Variants in FARP1 observed in about 807,000 individuals in gnomAD.
FARP1 encodes the protein FERM, ARH/RhoGEF and pleckstrin domain protein 1, also known as FERM, ARHGEF and pleckstrin domain-containing protein 1.
Under a neutral mutation model 128.8 loss-of-function variants are expected in FARP1, and 52 were observed. The observed-to-expected ratio is 0.40, with a 90% CI of 0.32 to 0.51. FARP1 has a LOEUF of 0.51. Ranked by LOEUF, FARP1 falls within the 20% of genes least tolerant of loss-of-function variation. The probability of loss-of-function intolerance (pLI) is 0.45; values close to 1 mark genes in which losing one functional copy is unlikely to be tolerated. For synonymous variants in FARP1, 580 were observed against 551.8 expected (o/e 1.05, Z -0.72); for missense variants, 1,333 against 1,367.9 (o/e 0.97, Z 0.40).
Position 98,215,854 on chromosome 13 carries a change from G to A in FARP1, c.171+2441G>A, listed in dbSNP as rs553998787. ...TCTCTAGGCTGAAGTGCAGTGGTGCGATCTCAGCTCATTGCAAACTCCTCC... is the reference window on the plus strand; with the variant it reads ...TCTCTAGGCTGAAGTGCAGTGGTGCAATCTCAGCTCATTGCAAACTCCTCC... On this transcript the variant is annotated intron_variant, in intron 2 of 26. Transcript: ENST00000319562. 7.9e-5 allele frequency among the ~76,000 whole-genome samples: 12 copies of A among 151,484 alleles called. No individual in the cohort carries two copies. The South Asian group carries it at 2.1e-3, about 26-fold the overall frequency.
rs180724170 is a variant in FARP1, at chr13:98,428,540, A to G, written c.1906-2503A>G. ...TGGAGTCACTGTTCATACAACACAA[A>G]ACTGACAGCGCAAAGCCCTCCTGGT... is the stretch of plus-strand genomic sequence containing the variant. On this transcript the variant is annotated intron_variant, in intron 17 of 26. Coordinates refer to ENST00000319562, the MANE Select transcript of FARP1 (RefSeq NM_005766.4). Among the ~76,000 whole-genome samples, 33 of 152,274 alleles carry G rather than the reference A, an allele frequency of 2.2e-4. 1 individual carries two copies. The East Asian group carries it at 5.6e-3, about 26-fold the overall frequency.
At chr13:98,214,574 G>A (rs1880945893) in intron 2 of FARP1, among the ~76,000 whole-genome samples, 1 of 152,084 alleles carries the variant, frequency 6.6e-6, no homozygotes, top group African/African-American at 2.4e-5. Context: ...TCACTTATGG[G>A]ATATGAGTCA....
intron 1 of FARP1, among the ~76,000 whole-genome samples, chr13:98,150,023 C>A (rs1258531010): frequency 6.6e-6 from 1 of 151,600 alleles, no homozygotes; most frequent in Non-Finnish European, 1.5e-5. Context: ...AGTCTTGAGC[C>A]ACCGCGCCCG....
At chr13:98,346,684 G>GCCTCAGCT in intron 3 of FARP1, among the ~76,000 whole-genome samples, 1 of 152,234 alleles carries the variant, frequency 6.6e-6, no homozygotes, top group Admixed American at 6.5e-5. Context: ...GGCAGAGGTT[G>GCCTCAGCT]CAGTGAGCTG....
intron 1 of FARP1, among the ~76,000 whole-genome samples, chr13:98,149,369 T>G (rs1875807224): frequency 2.0e-5 from 3 of 151,542 alleles, no homozygotes; most frequent in African/African-American, 7.3e-5. Context: ...CTTTGGCCAT[T>G]CAAGTTGTTT....
At position 98,440,198 on chromosome 13, in the gene FARP1, C is replaced by A. The variant is rs766311227; in HGVS notation, c.2592C>A (p.Pro864=). Residue 864 remains proline (P), a synonymous_variant, in exon 23 of 27, where the codon CCC becomes CCA. Transcript: ENST00000319562. ...ACCTGGCGGAGAAGAGCAGCAGCCC[C>A]GCCCCTGAGTTCCTGGCCAGCAGCC... is the stretch of plus-strand genomic sequence containing the variant. The part of the protein sequence containing the change: ...AIDLAEKSSS[P]APEFLASSPP... The A allele has an allele frequency of 1.2e-6, 2 of 1,614,026 alleles. No individual in the cohort carries two copies. Among genetic ancestry groups the A allele is most frequent in the Admixed American group, 3.3e-5 (2 of 60,018 alleles).
intron 2 of FARP1, among the ~76,000 whole-genome samples, chr13:98,239,486 G>A (rs1202307640): frequency 1.3e-5 from 2 of 152,308 alleles, no homozygotes; most frequent in South Asian, 2.1e-4. Context: ...TGTTTCATAC[G>A]ATTTCTACAC....
At chr13:98,383,455 T>C (rs543302002) in intron 6 of FARP1, among the ~76,000 whole-genome samples, 22 of 152,320 alleles carry the variant, frequency 1.4e-4, no homozygotes, top group Admixed American at 2.6e-4. Context: ...CATGGCTTTG[T>C]GCAGAACAGA....
chr13:98,301,027 G>A (rs142095942), intron 2 of FARP1, among the ~76,000 whole-genome samples: 2 of 152,260 alleles, frequency 1.3e-5, no homozygotes, highest in Non-Finnish European at 2.9e-5. Context: ...CGCCATCCAG[G>A]GGACATCGAG....
intron 16 of FARP1, among the ~76,000 whole-genome samples, chr13:98,420,826 C>G (rs779627436): frequency 2.0e-5 from 3 of 152,118 alleles, no homozygotes; most frequent in Non-Finnish European, 4.4e-5. Flanking sequence ...ACCTTTTAGC[C>G]GTTCATAATA....
In FARP1 at chr13:98,398,490, T is replaced by C. The variant is rs531122249; in HGVS notation, c.1414+3014T>C. ...GTAACCTCGTCTCTAGGCTTCACTT[T>C]TTTAATCTCTGTGATATCTTGGTGC... On this transcript the variant is annotated intron_variant, in intron 13 of 26. Transcript: ENST00000319562. 7.2e-5 allele frequency: 11 copies of C among 152,366 alleles called. No individual in the cohort carries two copies. The South Asian group carries it at 2.3e-3, about 32-fold the overall frequency. The allele number at this position is 152,366 out of a possible 1,614,324, so 9.4% of individuals were successfully genotyped here. A position where few individuals can be genotyped will look rare whatever the true frequency, so the allele number is the denominator to read the frequency against.
At chr13:98,259,317 T>C (rs1326035101) in intron 2 of FARP1, among the ~76,000 whole-genome samples, 1 of 149,016 alleles carries the variant, frequency 6.7e-6, no homozygotes, top group South Asian at 2.1e-4. Flanking sequence ...AGAGTGTACA[T>C]ATCTATAAAG....
At chr13:98,248,514 G>A (rs1883176288) in intron 2 of FARP1, among the ~76,000 whole-genome samples, 1 of 152,080 alleles carries the variant, frequency 6.6e-6, no homozygotes, top group South Asian at 2.1e-4. Context: ...AATACTTTTG[G>A]ATATTAATGT....
intron 3 of FARP1, among the ~76,000 whole-genome samples, chr13:98,355,465 G>A (rs1888602617): frequency 6.6e-6 from 1 of 152,166 alleles, no homozygotes; most frequent in Non-Finnish European, 1.5e-5. Flanking sequence ...CTTAAAGCAT[G>A]GTCCACAGAC....
At chr13:98,340,018 C>T (rs684039) in intron 2 of FARP1, among the ~76,000 whole-genome samples, 73,981 of 151,526 alleles carry the variant, frequency 0.49, 18,519 homozygotes, top group African/African-American at 0.6. Flanking sequence ...TAACTCTCCC[C>T]CTCCCCTCTT....
chr13:98,343,747 T>A lies in FARP1; in HGVS notation c.172-15T>A. ...TGCCTGCCTCAGGGATAACCCCTGT[T>A]GTTTCTGCTCACAGCAAAGAGCTCC... On this transcript the variant is annotated splice_polypyrimidine_tract_variant and intron_variant, in intron 2 of 26. Transcript: ENST00000319562. The A allele has an allele frequency of 6.3e-7, 1 of 1,592,738 alleles. No individual in the cohort carries two copies. The highest frequency in any genetic ancestry group is 8.6e-7 in the Non-Finnish European group (1 of 1,160,714).
intron 2 of FARP1, among the ~76,000 whole-genome samples, chr13:98,287,155 A>G (rs575247532): frequency 6.7e-6 from 1 of 149,516 alleles, no homozygotes; most frequent in Non-Finnish European, 1.5e-5. Context: ...TTTTCTCTGC[A>G]AAAAGTCAAT....
chr13:98,392,594 T>G (rs1890356790), intron 11 of FARP1, among the ~76,000 whole-genome samples: 1 of 152,166 alleles, frequency 6.6e-6, no homozygotes, highest in African/African-American at 2.4e-5. Context: ...CTTGCTTTTT[T>G]AATACTACCT....
intron 17 of FARP1, among the ~76,000 whole-genome samples, chr13:98,429,017 A>G (rs1437669089): frequency 6.6e-6 from 1 of 152,142 alleles, no homozygotes; most frequent in Non-Finnish European, 1.5e-5. Context: ...TTGATATTGT[A>G]CTCTAGTTTT....
Sources: allele counts gnomAD v4.1 joint callset (sites outside exome capture counted in the v4.1 genomes callset), GRCh38; gene constraint gnomAD v4.1.1; transcripts MANE v1.5; gene names NCBI Gene and HGNC (gene_info 2026-07-23, HGNC 2026-07-21).